The following TKT variants were observed in gnomAD, a reference collection of about 807,000 sequenced individuals.
TKT encodes the protein epididymis luminal protein 107.
Under a neutral mutation model 63.9 loss-of-function variants are expected in TKT, and 47 were observed. That is an observed-to-expected ratio of 0.74 (90% confidence interval 0.58 to 0.94). TKT has a LOEUF of 0.94. Among genes scored for constraint, TKT ranks in the 40% least tolerant of loss-of-function variants. TKT has a pLI of 0.00. For synonymous variants in TKT, 338 were observed against 334.1 expected (o/e 1.01, Z -0.13); for missense variants, 721 against 846.2 (o/e 0.85, Z 1.84).
At chr3:53,232,229 A>T (rs915904723) in intron 6 of TKT, 1 of 398,064 alleles carries the variant, frequency 2.5e-6, no homozygotes, top group Non-Finnish European at 4.4e-6. Flanking sequence ...AGAAGCTGCA[A>T]GTGGTCCAGA....
At position 53,229,398 on chromosome 3, in the gene TKT, C is replaced by A. The variant is rs782337457; in HGVS notation, c.1146G>T (p.Thr382=). Residue 382 remains threonine (T), a synonymous_variant, in exon 9 of 14, where the codon ACG becomes ACT. Coordinates refer to ENST00000462138, the MANE Select transcript of TKT (RefSeq NM_001064.4). ...CTGCAAAAGTGCTGCAGAAGGGCAC[C>A]GTCCTGTTGCGGGTGGCACAGCCCA... is the stretch of plus-strand genomic sequence containing the variant. The part of the protein sequence containing the change: ...IAVGCATRNR[T]VPFCSTFAAF... 6.2e-7 allele frequency: 1 copy of A among 1,611,098 alleles called. No homozygotes were observed. Among genetic ancestry groups the A allele is most frequent in the Admixed American group, 1.7e-5 (1 of 59,594 alleles).
rs1704441849 is a variant in TKT at position 53,224,936 on chromosome 3, G to T, written c.*820C>A. The T allele has an allele frequency of 6.6e-6, 1 of 152,314 alleles. No individual in the cohort carries two copies. The highest frequency in any genetic ancestry group is 1.9e-4 in the East Asian group (1 of 5,202). 9.4% of individuals were successfully genotyped at this position (152,314 alleles called of 1,614,324 possible). A position where few individuals can be genotyped will look rare whatever the true frequency, so the allele number is the denominator to read the frequency against. ...GACCCCAGCTGAGCCCGAGCAGCAG[G>T]GGGAGAAATCCACTGTGGTCAGCAG... On this transcript the variant is annotated 3_prime_UTR_variant, in exon 14 of 14. Transcript: ENST00000462138.
chr3:53,247,726 G>T (rs1553681160), intron 1 of TKT, among the ~76,000 whole-genome samples: 1 of 151,358 alleles, frequency 6.6e-6, no homozygotes. Flanking sequence ...CTCTTCCTGT[G>T]CCCTGAACTA....
chr3:53,239,926 G>C lies in TKT; in HGVS notation c.437+325C>G, dbSNP rs373884515. Among the ~76,000 whole-genome samples, 691 of 152,260 alleles carry C rather than the reference G, an allele frequency of 4.5e-3. 7 individuals carry two copies. Among genetic ancestry groups the C allele is most frequent in the African/African-American group, 0.016 (653 of 41,552 alleles). Reference sequence around the variant, plus strand: ...CTGGGGTCTGGGCACAGGGCTGGGGGCAAAACAGGAAGTCCTCAGCCTAAG... The same window carrying C: ...CTGGGGTCTGGGCACAGGGCTGGGGCCAAAACAGGAAGTCCTCAGCCTAAG... On this transcript the variant is annotated intron_variant, in intron 4 of 13. Transcript: ENST00000462138.
At chr3:53,242,813 C>T (rs531844131) in intron 1 of TKT, among the ~76,000 whole-genome samples, 25 of 152,174 alleles carry the variant, frequency 1.6e-4, no homozygotes, top group Non-Finnish European at 3.4e-4. Flanking sequence ...GAGGAAGGGA[C>T]TGAGGCTCAT....
chr3:53,253,960 C>T (rs1357717805), intron 1 of TKT, among the ~76,000 whole-genome samples: 7 of 152,088 alleles, frequency 4.6e-5, no homozygotes, highest in African/African-American at 1.7e-4. Context: ...CCACCAATTC[C>T]CAGCCTGGGC....
At position 53,226,778 on chromosome 3, in the gene TKT, G is replaced by A. The variant is rs782427350; in HGVS notation, c.1674C>T (p.Thr558=). The change falls in exon 13 of 14, where the codon ACC becomes ACT. Residue 558 remains threonine, a synonymous_variant. Transcript: ENST00000462138. The part of the protein sequence containing the change: ...SARATKGRIL[T]VEDHYYEGGI... ...TACCTTCATAATAATGGTCCTCCAC[G>A]GTGAGGATCCTGCCCTTGGTGGCAC... 4.1e-5 allele frequency: 66 copies of A among 1,614,024 alleles called. No homozygotes were observed. Among genetic ancestry groups the A allele is most frequent in the Admixed American group, 8.3e-5 (5 of 59,998 alleles).
Position 53,242,153 on chromosome 3 carries a change from G to A in TKT, c.197C>T (p.Pro66Leu), listed in dbSNP as rs906317096. The A allele has an allele frequency of 3.8e-5, 61 of 1,613,988 alleles. No homozygotes were observed. Among genetic ancestry groups the A allele is most frequent in the East Asian group, 1.6e-4 (7 of 44,896 alleles). The change falls in exon 2 of 14, where the codon CCG becomes CTG. Residue 66 changes from proline (P) to leucine (L), a missense_variant. Coordinates refer to ENST00000462138, the MANE Select transcript of TKT (RefSeq NM_001064.4). ...MRYKSQDPRNPHNDRFVLSKG... is the reference protein window; with the variant it reads ...MRYKSQDPRNLHNDRFVLSKG... ...GGAGAGCACAAAGCGGTCATTGTGC[G>A]GATTCCGGGGGTCCTGGGACTTGTA...
chr3:53,233,207 G>A lies in TKT; in HGVS notation c.697C>T (p.His233Tyr), dbSNP rs1553677601. ...TTGGCAATGATGGCTGTTGGCTGGT[G>A]CTTGGCCTGGCCAAAGGCCTTGCAC... ...ELCKAFGQAK[H>Y]QPTAIIAKTF... Residue 233 changes from histidine to tyrosine, a missense_variant, in exon 6 of 14, where the codon CAC becomes TAC. Transcript: ENST00000462138. 2 of 1,613,916 alleles carry A rather than the reference G, an allele frequency of 1.2e-6. No homozygotes were observed. Among genetic ancestry groups the A allele is most frequent in the South Asian group, 1.1e-5 (1 of 91,052 alleles).
rs1704436563 is a variant in TKT, at chr3:53,224,769, C to T, written c.*987G>A. 1.3e-5 allele frequency: 2 copies of T among 152,270 alleles called. No individual in the cohort carries two copies. Among genetic ancestry groups the T allele is most frequent in the African/African-American group, 2.4e-5 (1 of 41,460 alleles). 9.4% of individuals were successfully genotyped at this position (152,270 alleles called of 1,614,324 possible). A position where few individuals can be genotyped will look rare whatever the true frequency, so the allele number is the denominator to read the frequency against. ...TCAGGAGGACAGGTGGACGTGTCCACAAATGTGTCTCATCCTCGCAACAGC... is the reference window on the plus strand; with the variant it reads ...TCAGGAGGACAGGTGGACGTGTCCATAAATGTGTCTCATCCTCGCAACAGC... On this transcript the variant is annotated 3_prime_UTR_variant, in exon 14 of 14. Transcript: ENST00000462138.
intron 6 of TKT, chr3:53,231,809 C>T (rs1487654215): frequency 6.0e-6 from 3 of 503,228 alleles, no homozygotes; most frequent in Non-Finnish European, 1.1e-5. Context: ...AAAGGAGGGG[C>T]CAGACGTGGG....
intron 11 of TKT, 44 bp downstream of exon 11, chr3:53,228,232 G>C: frequency 1.2e-6 from 2 of 1,612,956 alleles, no homozygotes; most frequent in Admixed American, 3.3e-5. Context: ...AGCAGGGAGG[G>C]TCCAGGCAGC....
Position 53,228,090 on chromosome 3 carries a change from G to T in TKT, c.1539C>A (p.His513Gln). The change falls in exon 12 of 14, where the codon CAC becomes CAA. Residue 513 changes from histidine to glutamine, a missense_variant. Coordinates refer to ENST00000462138, the MANE Select transcript of TKT (RefSeq NM_001064.4). Reference sequence around the variant, plus strand: ...GCAGTTCGGCAGCGGCCAAGGCCTCGTGCAGGGTCACCCCAGCCCCGATAA... The same window carrying T: ...GCAGTTCGGCAGCGGCCAAGGCCTCTTGCAGGGTCACCCCAGCCCCGATAA... ...VTVIGAGVTL[H>Q]EALAAAELLK... 1 of 1,613,448 alleles carries T rather than the reference G, an allele frequency of 6.2e-7. No individual in the cohort carries two copies. Among genetic ancestry groups the T allele is most frequent in the Non-Finnish European group, 8.5e-7 (1 of 1,180,004 alleles).
At chr3:53,254,932 C>G (rs1292835354) in intron 1 of TKT, among the ~76,000 whole-genome samples, 4 of 152,236 alleles carry the variant, frequency 2.6e-5, no homozygotes, top group Non-Finnish European at 5.9e-5. Flanking sequence ...CCTAGGCACG[C>G]CAGCTCCTGC....
At position 53,225,950 on chromosome 3, in the gene TKT, G is replaced by T. The variant is rs888634287; in HGVS notation, c.1697-19C>A. On this transcript the variant is annotated intron_variant, in intron 13 of 13. Coordinates refer to ENST00000462138, the MANE Select transcript of TKT (RefSeq NM_001064.4). ...ATGCCACCTAGAAATGAAAGGAGGG[G>T]AGTCAGAAGACGAGGCCTCAGGGTG... 1 of 1,597,658 alleles carries T rather than the reference G, an allele frequency of 6.3e-7. No homozygotes were observed. Among genetic ancestry groups the T allele is most frequent in the Non-Finnish European group, 8.6e-7 (1 of 1,169,370 alleles).
chr3:53,241,288 G>A (rs1185707751), intron 2 of TKT, 43 bp from the exon 3 acceptor site: 1 of 1,545,186 alleles, frequency 6.5e-7, no homozygotes, highest in Non-Finnish European at 8.7e-7. Flanking sequence ...GTGGGGAGCG[G>A]TTCTACTTCG....
chr3:53,226,999 G>T, intron 12 of TKT, 121 bp from the exon 13 acceptor site: 1 of 1,298,776 alleles, frequency 7.7e-7, no homozygotes, highest in Non-Finnish European at 1.0e-6. Flanking sequence ...CTGCGGGCCT[G>T]TCCCTGTCCC....
intron 1 of TKT, among the ~76,000 whole-genome samples, chr3:53,246,744 G>A (rs1376748157): frequency 6.6e-6 from 1 of 151,922 alleles, no homozygotes; most frequent in Admixed American, 6.6e-5. Context: ...CCAGCTACTC[G>A]GGAGGCTGAG....
At chr3:53,235,329 T>C (rs782684739) in intron 4 of TKT, 155 bp from the exon 5 acceptor site, 19 of 632,356 alleles carry the variant, frequency 3.0e-5, no homozygotes, top group Non-Finnish European at 4.6e-5. Context: ...GGCAACAGTG[T>C]CACCAGGTTC....
Sources: allele counts gnomAD v4.1 joint callset (sites outside exome capture counted in the v4.1 genomes callset), GRCh38; gene constraint gnomAD v4.1.1; transcripts MANE v1.5; gene names NCBI Gene and HGNC (gene_info 2026-07-23, HGNC 2026-07-21).